Variants in SHROOM3 observed in about 807,000 individuals in gnomAD.
SHROOM3 encodes the protein protein Shroom3.
SHROOM3 carries 47 observed loss-of-function variants against 138.6 expected under a neutral mutation model. The ratio of observed to expected loss-of-function variants is 0.34; its 90% CI spans 0.27 to 0.43. SHROOM3 has a LOEUF of 0.43. Ranked by LOEUF, SHROOM3 falls within the 20% of genes least tolerant of loss-of-function variation. The pLI, the probability that SHROOM3 is intolerant of heterozygous loss-of-function variation, is 1.00. For missense variants in SHROOM3, 2,491 were observed against 2,596.5 expected (o/e 0.96, Z 0.88); for synonymous variants, 1,062 against 1,063.3 (o/e 1.00, Z 0.02).
At chr4:76,618,586 G>T (rs916998880) in intron 2 of SHROOM3, among the ~76,000 whole-genome samples, 3 of 152,162 alleles carry the variant, frequency 2.0e-5, no homozygotes, top group Non-Finnish European at 4.4e-5. Context: ...GCCCCCATTT[G>T]CTTTATCACA....
chr4:76,620,587 T>C (rs1734982886), intron 2 of SHROOM3, among the ~76,000 whole-genome samples: 1 of 152,128 alleles, frequency 6.6e-6, no homozygotes. Flanking sequence ...CAAGGGAGTG[T>C]GTGGACACTG....
chr4:76,667,929 T>C (rs1404321338), intron 2 of SHROOM3, among the ~76,000 whole-genome samples: 2 of 127,296 alleles, frequency 1.6e-5, no homozygotes, highest in African/African-American at 3.1e-5. Flanking sequence ...GGTGCGCCAC[T>C]GCACTCCAGC....
intron 1 of SHROOM3, among the ~76,000 whole-genome samples, chr4:76,459,468 G>GC (rs1260998549): frequency 6.6e-6 from 1 of 152,172 alleles, no homozygotes; most frequent in African/African-American, 2.4e-5. Context: ...CCTAGGTTGA[G>GC]CCGCTGTGAC....
chr4:76,593,761 G>A (rs1734324779), intron 2 of SHROOM3, among the ~76,000 whole-genome samples: 1 of 152,156 alleles, frequency 6.6e-6, no homozygotes, highest in Non-Finnish European at 1.5e-5. Flanking sequence ...GGAATTCTGA[G>A]AGCCAGAAGC....
At chr4:76,769,121 T>G (rs912719010) in intron 9 of SHROOM3, among the ~76,000 whole-genome samples, 27 of 131,112 alleles carry the variant, frequency 2.1e-4, no homozygotes, top group Admixed American at 1.5e-4. Context: ...TGTGTGTGTG[T>G]TTTTTTTTTC....
chr4:76,470,431 C>G (rs1349264820), intron 1 of SHROOM3, among the ~76,000 whole-genome samples: 1 of 152,164 alleles, frequency 6.6e-6, no homozygotes, highest in Non-Finnish European at 1.5e-5. Context: ...ATTAGAGGAG[C>G]ACTTTTAGAT....
chr4:76,739,027 C>T lies in SHROOM3; in HGVS notation c.854C>T (p.Ser285Phe). 6.2e-7 allele frequency: 1 copy of T among 1,614,232 alleles called. No homozygotes were observed. Among genetic ancestry groups the T allele is most frequent in the Non-Finnish European group, 8.5e-7 (1 of 1,180,040 alleles). Residue 285 changes from serine (S) to phenylalanine (F), a missense_variant, in exon 5 of 11, where the codon TCC (serine) becomes TTC (phenylalanine). Transcript: ENST00000296043. ...ATCTCTGGCCGGGAGCGTTCAGGCTCCATGGACAATACTTCTGCTCGAGGT... is the reference window on the plus strand; with the variant it reads ...ATCTCTGGCCGGGAGCGTTCAGGCTTCATGGACAATACTTCTGCTCGAGGT... The part of the protein sequence containing the change: ...PGISGRERSG[S>F]MDNTSARGGL...
chr4:76,715,519 G>A (rs1222386396), intron 3 of SHROOM3, among the ~76,000 whole-genome samples: 2 of 152,132 alleles, frequency 1.3e-5, no homozygotes, highest in African/African-American at 2.4e-5. Flanking sequence ...GAGACAAAAT[G>A]TTCTAGCTTG....
At chr4:76,697,567 A>C (rs1046036422) in intron 2 of SHROOM3, among the ~76,000 whole-genome samples, 1 of 152,126 alleles carries the variant, frequency 6.6e-6, no homozygotes, top group Non-Finnish European at 1.5e-5. Flanking sequence ...GGAGCCTTAT[A>C]ATAGGTTGGG....
chr4:76,441,024 C>T (rs897850121), intron 1 of SHROOM3, among the ~76,000 whole-genome samples: 1 of 145,236 alleles, frequency 6.9e-6, no homozygotes, highest in Admixed American at 7.0e-5. Flanking sequence ...TCTATGGAGG[C>T]GAGGGGGAGG....
intron 2 of SHROOM3, among the ~76,000 whole-genome samples, chr4:76,596,271 G>A (rs1260344504): frequency 6.6e-6 from 1 of 152,134 alleles, no homozygotes; most frequent in Non-Finnish European, 1.5e-5. Context: ...AGAGAGCCAG[G>A]TGTGGTGGCT....
chr4:76,765,349 T>C (rs1376291044), intron 9 of SHROOM3, among the ~76,000 whole-genome samples: 1 of 121,920 alleles, frequency 8.2e-6, no homozygotes, highest in African/African-American at 3.3e-5. Flanking sequence ...ACCCCATCTC[T>C]ACAAAAAAAA....
intron 1 of SHROOM3, among the ~76,000 whole-genome samples, chr4:76,480,513 A>G (rs1579183276): frequency 6.6e-6 from 1 of 152,160 alleles, no homozygotes; most frequent in African/African-American, 2.4e-5. Context: ...CTACGAAGAG[A>G]CTTAGACTCA....
rs116378549 is a variant in SHROOM3, at chr4:76,565,947, T to G, written c.323+10184T>G. On this transcript the variant is annotated intron_variant, in intron 2 of 10. Coordinates refer to ENST00000296043, the MANE Select transcript of SHROOM3 (RefSeq NM_020859.4). Reference sequence around the variant, plus strand: ...CAGCCTGGGCAACATTGCAAGACCCTGTCTCTACAAAAACTAGCCGGGCAT... The same window carrying G: ...CAGCCTGGGCAACATTGCAAGACCCGGTCTCTACAAAAACTAGCCGGGCAT... Among the ~76,000 whole-genome samples, 672 of 152,010 alleles carry G rather than the reference T, an allele frequency of 4.4e-3. 10 individuals are homozygous for G. Among genetic ancestry groups the G allele is most frequent in the African/African-American group, 0.015 (634 of 41,454 alleles).
chr4:76,745,540 A>G lies in SHROOM3; in HGVS notation c.3754-3477A>G, dbSNP rs750203599. 1.1e-4 allele frequency among the ~76,000 whole-genome samples: 17 copies of G among 152,236 alleles called. 1 individual carries two copies. Among genetic ancestry groups the G allele is most frequent in the Admixed American group, 7.9e-4 (12 of 15,286 alleles). On this transcript the variant is annotated intron_variant, in intron 5 of 10. Coordinates refer to ENST00000296043, the MANE Select transcript of SHROOM3 (RefSeq NM_020859.4). ...GGCTTGATTCTGTGGAATGCAACTC[A>G]TAAGTCTTTTTTAGCACCTTTCTAC...
At chr4:76,486,779 A>G (rs2109990983) in intron 1 of SHROOM3, among the ~76,000 whole-genome samples, 1 of 152,274 alleles carries the variant, frequency 6.6e-6, no homozygotes, top group South Asian at 2.1e-4. Flanking sequence ...CAATCTGGAA[A>G]TGTTTCCAGA....
chr4:76,708,667 T>C (rs979668234), intron 2 of SHROOM3, among the ~76,000 whole-genome samples: 1 of 152,164 alleles, frequency 6.6e-6, no homozygotes, highest in African/African-American at 2.4e-5. Context: ...ATTGTTCCTA[T>C]GCGTGCATTA....
rs183213958 is a variant in SHROOM3 at position 76,619,832 on chromosome 4, C to T, written c.323+64069C>T. ...ATCCTAACATTCTGGGAGGCCGAGG[C>T]GGGTGGATCACCTGAGGTCAGGAGT... On this transcript the variant is annotated intron_variant, in intron 2 of 10. Transcript: ENST00000296043. Among the ~76,000 whole-genome samples the T allele has an allele frequency of 1.5e-3, 233 of 152,088 alleles. 1 individual carries two copies. In the Middle Eastern group the frequency reaches 0.017, roughly 11 times the overall value.
chr4:76,512,028 G>A (rs564737854), intron 1 of SHROOM3, among the ~76,000 whole-genome samples: 1 of 152,172 alleles, frequency 6.6e-6, no homozygotes, highest in Non-Finnish European at 1.5e-5. Context: ...GAGGTCCGAG[G>A]GAGTGGGCCT....
Sources: gnomAD v4.1 joint callset for allele counts (sites outside exome capture counted in the v4.1 genomes callset) on GRCh38, gnomAD v4.1.1 for gene constraint, MANE v1.5 for transcripts, NCBI Gene and HGNC (gene_info 2026-07-23, HGNC 2026-07-21) for gene names.